Variants in NAPSA observed in about 807,000 individuals in gnomAD.
The protein encoded by NAPSA is napsin-A.
A neutral mutation model predicts 36.7 loss-of-function variants in NAPSA; 37 were observed. The observed-to-expected ratio is 1.01, with a 90% CI of 0.78 to 1.33. The LOEUF (loss-of-function observed/expected upper bound fraction) is 1.33, where lower values mean the gene tolerates loss of function less well. NAPSA is among the 40% of genes most tolerant of loss of function. The pLI, the probability that NAPSA is intolerant of heterozygous loss-of-function variation, is 0.00. For synonymous variants in NAPSA, 222 were observed against 234.5 expected (o/e 0.95, Z 0.49); for missense variants, 532 against 543.8 (o/e 0.98, Z 0.21).
At chr19:50,367,252 AGCCACCATGCCTG>A (rs2037559575), upstream of NAPSA, among the ~76,000 whole-genome samples, 1 of 152,322 alleles carries the variant, frequency 6.6e-6, no homozygotes, top group East Asian at 1.9e-4. Flanking sequence ...ATTAGACATG[AGCCACCATGCCTG>A]GCCATGTTAG....
chr19:50,366,749 C>G (rs1046549015), upstream of NAPSA, among the ~76,000 whole-genome samples: 1 of 151,820 alleles, frequency 6.6e-6, no homozygotes, highest in Admixed American at 6.6e-5. Context: ...CAGCTCACTG[C>G]AACCTCTGCC....
At chr19:50,361,482 G>T (rs2037472434) in intron 4 of NAPSA, 181 bp downstream of exon 4, 5 of 625,694 alleles carry the variant, frequency 8.0e-6, no homozygotes, top group African/African-American at 5.6e-5. Context: ...CACCCAGGAA[G>T]CCCCTCCCCC....
chr19:50,367,596 C>T (rs184359719), upstream of NAPSA, among the ~76,000 whole-genome samples: 446 of 151,994 alleles, frequency 2.9e-3, 2 homozygotes, highest in African/African-American at 0.01. Context: ...CTGTCTCTCT[C>T]TCTCTGCTGA....
Position 50,365,578 on chromosome 19 carries a change from G to A in NAPSA, c.44C>T (p.Pro15Leu), listed in dbSNP as rs375916184. Residue 15 changes from proline (P) to leucine (L), a missense_variant, in exon 1 of 9, where the codon CCT (proline) becomes CTT (leucine). This residue lies in a region of NAPSA where 102 missense variants were observed against 93.6 expected (regional missense o/e 1.09). Transcript: ENST00000253719. ...PLLQPLLLLL[P>L]LLNVEPSGAT... ...CCCGGAAGGCTCCACATTCAGCAGA[G>A]GCAGCAGCAGCAGCAGGGGTTGCAG... is the stretch of plus-strand genomic sequence containing the variant. 6.8e-5 allele frequency: 109 copies of A among 1,612,530 alleles called. No homozygotes were observed. The highest frequency in any genetic ancestry group is 6.5e-4 in the East Asian group (29 of 44,848).
chr19:50,363,479 C>G lies in NAPSA; in HGVS notation c.84-1166G>C, dbSNP rs529930886. 7.9e-4 allele frequency among the ~76,000 whole-genome samples: 121 copies of G among 152,258 alleles called. 1 individual carries two copies. The highest frequency in any genetic ancestry group is 2.9e-3 in the African/African-American group (120 of 41,548). ...CACTGCAGCCTTGATCTCCAGGGCT[C>G]AAGTGATTCTCCCACCTCAGCCTCT... is the stretch of plus-strand genomic sequence containing the variant. On this transcript the variant is annotated intron_variant, in intron 1 of 8. Coordinates refer to ENST00000253719, the MANE Select transcript of NAPSA (RefSeq NM_004851.3).
intron 1 of NAPSA, among the ~76,000 whole-genome samples, chr19:50,364,129 C>T (rs2037510553): frequency 6.6e-6 from 1 of 150,494 alleles, no homozygotes; most frequent in South Asian, 2.1e-4. Context: ...ACCAGCTTGG[C>T]CAACATGGTG....
At chr19:50,364,722 G>T (rs982715141) in intron 1 of NAPSA, among the ~76,000 whole-genome samples, 11 of 151,012 alleles carry the variant, frequency 7.3e-5, no homozygotes, top group African/African-American at 2.7e-4. Flanking sequence ...ACCGGACGCG[G>T]GGGCTCACAG....
rs2037451403 is a variant in NAPSA at position 50,359,942 on chromosome 19, C to T, written c.669-80G>A. ...GCCCTAGGTATTGCCAGGAATGGCACTTCCCACCAACTGGGTTGTTTCTGG... is the reference window on the plus strand; with the variant it reads ...GCCCTAGGTATTGCCAGGAATGGCATTTCCCACCAACTGGGTTGTTTCTGG... On this transcript the variant is annotated intron_variant, in intron 5 of 8. Transcript: ENST00000253719. The T allele has an allele frequency of 1.1e-5, 17 of 1,534,970 alleles. 1 individual carries two copies. The South Asian group carries it at 2.1e-4, about 19-fold the overall frequency.
rs547179258 is a variant in NAPSA, at chr19:50,359,897, G to T, written c.669-35C>A. 1.0e-4 allele frequency: 159 copies of T among 1,597,870 alleles called. 1 individual carries two copies. In the Middle Eastern group the frequency reaches 1.7e-3, roughly 17 times the overall value. ...CAGAGTGTAGAGAGTGTAGATGTCA[G>T]TGTCACTGGCCCTCCCTCAGCCCTA... On this transcript the variant is annotated intron_variant, in intron 5 of 8. Coordinates refer to ENST00000253719, the MANE Select transcript of NAPSA (RefSeq NM_004851.3).
chr19:50,368,677 C>T (rs2037579146), upstream of NAPSA, among the ~76,000 whole-genome samples: 1 of 152,134 alleles, frequency 6.6e-6, no homozygotes, highest in African/African-American at 2.4e-5. Flanking sequence ...TCTGCAGCAC[C>T]CCATCCAACT....
rs8100758 is a variant in NAPSA, at chr19:50,362,140, A to G, written c.225+32T>C. On this transcript the variant is annotated intron_variant, in intron 2 of 8. Coordinates refer to ENST00000253719, the MANE Select transcript of NAPSA (RefSeq NM_004851.3). ...AACGAAGAGTTTGGCTCAAGGGCGC[A>G]GGGGTGAGGGCTGTGTGGGGCTGTG... 5.7e-4 allele frequency: 925 copies of G among 1,613,120 alleles called. 2 individuals are homozygous for G. The African/African-American group carries it at 0.011, about 19-fold the overall frequency.
At chr19:50,364,004 T>C (rs1261333573) in intron 1 of NAPSA, among the ~76,000 whole-genome samples, 1 of 152,102 alleles carries the variant, frequency 6.6e-6, no homozygotes. Flanking sequence ...GAGCTCATAG[T>C]AGGGTCTGCA....
At position 50,358,558 on chromosome 19, in the gene NAPSA, C is replaced by G; in HGVS notation, c.1258G>C (p.Gly420Arg). 2 of 1,592,630 alleles carry G rather than the reference C, an allele frequency of 1.3e-6. No individual in the cohort carries two copies. Among genetic ancestry groups the G allele is most frequent in the Non-Finnish European group, 1.7e-6 (2 of 1,169,842 alleles). ...GCATGCGCTTCACTTGGGCGTCACC[C>G]GGGGAACTGCGCCTGCGCAGTCTCT... is the stretch of plus-strand genomic sequence containing the variant. ...WGETAQAQFP[G>R] is the part of the protein sequence containing the mutation. Residue 420 changes from glycine to arginine, a missense_variant, in exon 9 of 9, where the codon GGG (glycine) becomes CGG (arginine). By Grantham distance (125) the Gly-to-Arg change is moderately radical. Transcript: ENST00000253719.
chr19:50,367,536 G>GTC (rs60930348), upstream of NAPSA, among the ~76,000 whole-genome samples: 3 of 139,674 alleles, frequency 2.1e-5, no homozygotes, highest in African/African-American at 5.4e-5. Flanking sequence ...AACAGAGTCA[G>GTC]TCTCTCTCTC....
upstream of NAPSA, among the ~76,000 whole-genome samples, chr19:50,368,157 CAAAAAAAAA>C (rs56938224): frequency 1.6e-5 from 1 of 64,188 alleles, no homozygotes; most frequent in Non-Finnish European, 2.9e-5. Context: ...GACTCCCTCT[CAAAAAAAAA>C]AAAAAAAAAA....
upstream of NAPSA, chr19:50,365,870 G>C (rs2037543482): frequency 1.3e-5 from 5 of 372,816 alleles, no homozygotes; most frequent in South Asian, 2.6e-4. Context: ...TGGTGGTGGG[G>C]TCTCCTCCAC....
chr19:50,360,519 G>A (rs370066681), intron 5 of NAPSA, among the ~76,000 whole-genome samples: 34 of 152,270 alleles, frequency 2.2e-4, no homozygotes, highest in African/African-American at 7.7e-4. Context: ...GCAGGTGAGT[G>A]GGACTTCCTG....
At chr19:50,362,432 G>GCC in intron 1 of NAPSA, 119 bp from the exon 2 acceptor site, 1 of 886,336 alleles carries the variant, frequency 1.1e-6, no homozygotes, top group Non-Finnish European at 1.6e-6. Flanking sequence ...ATAGTAGTCA[G>GCC]TACCAGAAAC....
chr19:50,359,485 A>C lies in NAPSA; in HGVS notation c.936+18T>G. 6.2e-7 allele frequency: 1 copy of C among 1,613,772 alleles called. No homozygotes were observed. Among genetic ancestry groups the C allele is most frequent in the African/African-American group, 1.3e-5 (1 of 74,990 alleles). Reference sequence around the variant, plus strand: ...CCATCAGCCTTCCCAGCCCGTACCCACCAGACTGGGACCTCACCTCCCCAG... The same window carrying C: ...CCATCAGCCTTCCCAGCCCGTACCCCCCAGACTGGGACCTCACCTCCCCAG... On this transcript the variant is annotated intron_variant, in intron 7 of 8. Transcript: ENST00000253719.
Sources: allele counts gnomAD v4.1 joint callset (sites outside exome capture counted in the v4.1 genomes callset), GRCh38; gene constraint gnomAD v4.1.1; regional missense constraint gnomAD v4.1.1; transcripts MANE v1.5; gene names NCBI Gene and HGNC (gene_info 2026-07-23, HGNC 2026-07-21).